The following MTUS1 variants were observed in gnomAD, a reference collection of about 807,000 sequenced individuals.
MTUS1 encodes microtubule-associated tumor suppressor 1.
A neutral mutation model predicts 120.8 loss-of-function variants in MTUS1; 109 were observed. That is an observed-to-expected ratio of 0.90 (90% confidence interval 0.77 to 1.06). The LOEUF (loss-of-function observed/expected upper bound fraction) is 1.06, where lower values mean the gene tolerates loss of function less well. MTUS1 is among the 50% of genes least tolerant of loss of function. MTUS1 has a pLI of 0.00. For missense variants in MTUS1, 2,210 were observed against 1,486.3 expected (o/e 1.49, Z -8.01); for synonymous variants, 737 against 550.5 (o/e 1.34, Z -4.74).
chr8:17,714,894 CTTTTTTTTTTTTTTTTT>C (rs34479493), intron 5 of MTUS1, among the ~76,000 whole-genome samples: 2 of 55,174 alleles, frequency 3.6e-5, no homozygotes, highest in Non-Finnish European at 3.3e-5. Context: ...ACAAATAATG[CTTTTTTTTTTTTTTTTT>C]TTTTTTTTTT....
chr8:17,742,341 C>T (rs1275460016), intron 3 of MTUS1, among the ~76,000 whole-genome samples: 1 of 137,862 alleles, frequency 7.3e-6, no homozygotes, highest in Non-Finnish European at 1.5e-5. Context: ...GTTGCCCAGG[C>T]TGGTCCTGAA....
At chr8:17,647,183 G>A in intron 13 of MTUS1, 104 bp from the exon 14 acceptor site, 1 of 814,778 alleles carries the variant, frequency 1.2e-6, no homozygotes, top group Non-Finnish European at 2.0e-6. Context: ...ATTTAATTAA[G>A]GAAAATGCAA....
At chr8:17,775,526 C>A (rs1172834057) in intron 1 of MTUS1, among the ~76,000 whole-genome samples, 3 of 152,186 alleles carry the variant, frequency 2.0e-5, no homozygotes, top group African/African-American at 7.2e-5. Flanking sequence ...GATGGTCGCA[C>A]AGAAAGCAGC....
chr8:17,741,711 A>G (rs889801877), intron 3 of MTUS1, among the ~76,000 whole-genome samples: 5 of 152,190 alleles, frequency 3.3e-5, no homozygotes, highest in African/African-American at 1.2e-4. Context: ...TCATTTCTTA[A>G]AAGTATGTGC....
intron 6 of MTUS1, among the ~76,000 whole-genome samples, chr8:17,703,309 C>T (rs954655481): frequency 1.2e-4 from 18 of 152,110 alleles, no homozygotes; most frequent in African/African-American, 3.4e-4. Context: ...GGTCTATAAA[C>T]GGCCGCTCTG....
At chr8:17,697,610 C>T in intron 6 of MTUS1, 1 of 1,288,712 alleles carries the variant, frequency 7.8e-7, no homozygotes, top group Non-Finnish European at 9.9e-7. Context: ...TGATGCTCTT[C>T]CTCTGAATAC....
chr8:17,692,425 C>T (rs1170920392), intron 6 of MTUS1, among the ~76,000 whole-genome samples: 3 of 152,064 alleles, frequency 2.0e-5, no homozygotes, highest in East Asian at 1.9e-4. Context: ...ATTCCTGACA[C>T]GGCAGAGCCA....
chr8:17,751,605 T>C (rs1013712308), intron 2 of MTUS1, among the ~76,000 whole-genome samples: 3 of 151,558 alleles, frequency 2.0e-5, no homozygotes, highest in African/African-American at 7.3e-5. Flanking sequence ...CACGCCTGTA[T>C]TCCCAGCACT....
intron 9 of MTUS1, 76 bp from the exon 10 acceptor site, chr8:17,654,742 T>A: frequency 1.0e-6 from 1 of 998,910 alleles, no homozygotes; most frequent in South Asian, 1.3e-5. Context: ...GCAACCACAT[T>A]AGGAGACGTC....
chr8:17,661,264 G>A (rs1264282286), intron 8 of MTUS1, among the ~76,000 whole-genome samples: 1 of 152,180 alleles, frequency 6.6e-6, no homozygotes, highest in Non-Finnish European at 1.5e-5. Context: ...GTATCAAATA[G>A]CTTCTAGTCA....
chr8:17,706,671 G>C (rs1316164028), intron 6 of MTUS1, among the ~76,000 whole-genome samples: 1 of 152,112 alleles, frequency 6.6e-6, no homozygotes. Flanking sequence ...GTGATTTCCT[G>C]ATACTACTTT....
At chr8:17,652,613 A>G (rs746195778) in intron 12 of MTUS1, among the ~76,000 whole-genome samples, 3 of 152,096 alleles carry the variant, frequency 2.0e-5, no homozygotes, top group Non-Finnish European at 2.9e-5. Context: ...AAAGCCACTG[A>G]ATTTTACATG....
chr8:17,685,694 G>C (rs901181706), intron 6 of MTUS1, among the ~76,000 whole-genome samples: 1 of 105,488 alleles, frequency 9.5e-6, no homozygotes, highest in African/African-American at 2.8e-5. Flanking sequence ...GTTAAAAACA[G>C]GGAAAAAAAG....
chr8:17,691,449 CA>C (rs1435384906), intron 6 of MTUS1: 1 of 152,246 alleles, frequency 6.6e-6, no homozygotes, highest in Non-Finnish European at 1.5e-5. Flanking sequence ...CAATCCACGA[CA>C]AAACGTTTTC....
At position 17,684,580 on chromosome 8, in the gene MTUS1, G is replaced by C. The variant is rs376969352; in HGVS notation, c.2624-38C>G. 192 of 1,521,610 alleles carry C rather than the reference G, an allele frequency of 1.3e-4. 2 individuals are homozygous for C. The South Asian group carries it at 1.7e-3, about 13-fold the overall frequency. 94.3% of individuals were successfully genotyped at this position (1,521,610 alleles called of 1,614,324 possible). A position where few individuals can be genotyped will look rare whatever the true frequency, so the allele number is the denominator to read the frequency against. On this transcript the variant is annotated intron_variant, in intron 6 of 14. Transcript: ENST00000693296. The stretch of plus-strand genomic sequence containing the variant: ...TTAACATAGGTACAAAGATAGGTGA[G>C]GTTAATTTTTAAAATCACCACCACA...
At position 17,755,841 on chromosome 8, in the gene MTUS1, TTTCTTC is replaced by T; in HGVS notation, c.-40_-35del. ...GTAACCTTAAACCTCTGCCATTTTA[TTTCTTC>T]TTCAATTCCTTTTAAATGAGAGGGT... On this transcript the variant is annotated 5_prime_UTR_variant, in exon 2 of 15. Transcript: ENST00000693296. The T allele has an allele frequency of 6.4e-7, 1 of 1,571,980 alleles. No homozygotes were observed. Among genetic ancestry groups the T allele is most frequent in the Non-Finnish European group, 8.6e-7 (1 of 1,162,052 alleles).
At chr8:17,733,946 A>G (rs2046766272) in intron 3 of MTUS1, among the ~76,000 whole-genome samples, 1 of 152,182 alleles carries the variant, frequency 6.6e-6, no homozygotes, top group African/African-American at 2.4e-5. Flanking sequence ...CCTGGCCCCT[A>G]CCTATTTAAG....
At chr8:17,791,519 C>A (rs1203187333) in intron 1 of MTUS1, among the ~76,000 whole-genome samples, 1 of 152,146 alleles carries the variant, frequency 6.6e-6, no homozygotes, top group Non-Finnish European at 1.5e-5. Flanking sequence ...AATGTGCTGA[C>A]TGATAGCAAA....
chr8:17,784,099 A>G (rs899293167), intron 1 of MTUS1, among the ~76,000 whole-genome samples: 2 of 45,616 alleles, frequency 4.4e-5, no homozygotes, highest in Non-Finnish European at 5.4e-5. Flanking sequence ...AACTCTTCAT[A>G]AAGTAATCAT....
Sources: allele counts gnomAD v4.1 joint callset (sites outside exome capture counted in the v4.1 genomes callset), GRCh38; gene constraint gnomAD v4.1.1; transcripts MANE v1.5; gene names NCBI Gene and HGNC (gene_info 2026-07-23, HGNC 2026-07-21).